Variants in FHIT observed in about 807,000 individuals in gnomAD.
FHIT encodes the protein fragile histidine triad diadenosine triphosphatase.
A neutral mutation model predicts 17.9 loss-of-function variants in FHIT; 19 were observed. The observed-to-expected ratio is 1.06, with a 90% CI of 0.74 to 1.56. FHIT has a LOEUF of 1.56. FHIT is among the 40% of genes most tolerant of loss of function. FHIT has a pLI of 0.00. For missense variants in FHIT, 248 were observed against 189.2 expected, an observed-to-expected ratio of 1.31 and a Z score of -1.82; for synonymous variants, 81 against 69.7, an observed-to-expected ratio of 1.16 and a Z score of -0.81.
At chr3:60,999,894 C>T (rs1027533207) in intron 3 of FHIT, among the ~76,000 whole-genome samples, 1 of 152,116 alleles carries the variant, frequency 6.6e-6, no homozygotes, top group African/African-American at 2.4e-5. Flanking sequence ...GGTGAGGGCC[C>T]ACTTCTGGTT....
chr3:61,194,883 T>C (rs2038812102), intron 2 of FHIT, among the ~76,000 whole-genome samples: 1 of 151,990 alleles, frequency 6.6e-6, no homozygotes, highest in Non-Finnish European at 1.5e-5. Flanking sequence ...AAATGCAAAG[T>C]ATTATTATTA....
At chr3:60,806,915 C>G (rs1477495030) in intron 4 of FHIT, among the ~76,000 whole-genome samples, 3 of 152,266 alleles carry the variant, frequency 2.0e-5, no homozygotes, top group Middle Eastern at 6.8e-3. Flanking sequence ...GATCAAATAT[C>G]ATCCTTCATT....
At chr3:60,060,051 T>C (rs1396431360) in intron 5 of FHIT, among the ~76,000 whole-genome samples, 2 of 152,118 alleles carry the variant, frequency 1.3e-5, no homozygotes, top group Admixed American at 1.3e-4. Flanking sequence ...GGGGGAAAAA[T>C]GGTAGTCATC....
In FHIT at chr3:60,341,695, T is replaced by C. The variant is rs562993210; in HGVS notation, c.103+195165A>G. On this transcript the variant is annotated intron_variant, in intron 5 of 9. Coordinates refer to ENST00000492590, the MANE Select transcript of FHIT (RefSeq NM_002012.4). ...TCTGCTTTATAATTAGCAACAGTCT[T>C]TCCCAAATTCTACACTTAGATTGAC... Among the ~76,000 whole-genome samples the C allele has an allele frequency of 5.3e-5, 8 of 152,248 alleles. No individual in the cohort carries two copies. In the East Asian group the frequency reaches 1.4e-3, roughly 26 times the overall value.
At chr3:61,101,259 A>G (rs2035812277) in intron 2 of FHIT, among the ~76,000 whole-genome samples, 1 of 152,226 alleles carries the variant, frequency 6.6e-6, no homozygotes, top group African/African-American at 2.4e-5. Flanking sequence ...GAAGGGATCC[A>G]GTTTCAGCTT....
At chr3:60,823,691 T>C (rs1284050458) in intron 3 of FHIT, among the ~76,000 whole-genome samples, 1 of 152,112 alleles carries the variant, frequency 6.6e-6, no homozygotes, top group Non-Finnish European at 1.5e-5. Context: ...GACAATAAAT[T>C]TCGGTTGTTT....
At chr3:59,895,326 C>T (rs1446433672) in intron 8 of FHIT, among the ~76,000 whole-genome samples, 1 of 152,166 alleles carries the variant, frequency 6.6e-6, no homozygotes, top group African/African-American at 2.4e-5. Context: ...TAGCACAGTT[C>T]CCAGTACTTA....
chr3:60,206,511 A>C (rs1703199320), intron 5 of FHIT, among the ~76,000 whole-genome samples: 1 of 152,272 alleles, frequency 6.6e-6, no homozygotes, highest in South Asian at 2.1e-4. Context: ...TTAACATGCC[A>C]GAAAAAAAAC....
At chr3:60,865,375 G>T (rs879968005) in intron 3 of FHIT, among the ~76,000 whole-genome samples, 5 of 152,070 alleles carry the variant, frequency 3.3e-5, no homozygotes, top group Admixed American at 6.6e-5. Flanking sequence ...CCACTGTACT[G>T]GTCAGCACAT....
chr3:60,743,508 G>C (rs1215548069), intron 4 of FHIT, among the ~76,000 whole-genome samples: 3 of 152,164 alleles, frequency 2.0e-5, no homozygotes, highest in Admixed American at 6.5e-5. Context: ...TGTTTGGCCT[G>C]CACCTTGTGT....
intron 5 of FHIT, among the ~76,000 whole-genome samples, chr3:60,471,898 CAG>C (rs1385055272): frequency 2.0e-5 from 3 of 151,986 alleles, no homozygotes; most frequent in East Asian, 3.9e-4. Flanking sequence ...GTAAGATGAA[CAG>C]AGTCATATTT....
intron 5 of FHIT, among the ~76,000 whole-genome samples, chr3:60,512,733 T>C (rs960422158): frequency 6.6e-6 from 1 of 152,192 alleles, no homozygotes; most frequent in African/African-American, 2.4e-5. Flanking sequence ...CCAAAAATGG[T>C]TTAAATGAAC....
chr3:61,071,471 G>A (rs1472708779), intron 2 of FHIT, among the ~76,000 whole-genome samples: 1 of 152,092 alleles, frequency 6.6e-6, no homozygotes, highest in Admixed American at 6.5e-5. Context: ...CATTTACAGT[G>A]TTACTTCCCA....
At chr3:59,765,255 C>G (rs926684932) in intron 8 of FHIT, among the ~76,000 whole-genome samples, 2 of 152,188 alleles carry the variant, frequency 1.3e-5, no homozygotes, top group Non-Finnish European at 2.9e-5. Context: ...GATAAAAATG[C>G]TTTGAAATAA....
At chr3:60,188,223 T>C (rs1026232536) in intron 5 of FHIT, among the ~76,000 whole-genome samples, 8 of 150,518 alleles carry the variant, frequency 5.3e-5, no homozygotes, top group Non-Finnish European at 5.9e-5. Context: ...TTTTTTTTTT[T>C]TTTTACCATT....
At chr3:60,075,881 C>T (rs1218671963) in intron 5 of FHIT, among the ~76,000 whole-genome samples, 1 of 152,054 alleles carries the variant, frequency 6.6e-6, no homozygotes, top group African/African-American at 2.4e-5. Flanking sequence ...TAATGATGTC[C>T]CTTTTTGATC....
At chr3:60,707,696 A>C (rs1015257742) in intron 4 of FHIT, among the ~76,000 whole-genome samples, 1 of 152,196 alleles carries the variant, frequency 6.6e-6, no homozygotes, top group Non-Finnish European at 1.5e-5. Flanking sequence ...TAATATAAGA[A>C]TAACATATCA....
At chr3:59,915,894 T>C (rs79644215) in intron 8 of FHIT, among the ~76,000 whole-genome samples, 1,524 of 149,038 alleles carry the variant, frequency 0.01, 6 homozygotes, top group Non-Finnish European at 0.016. Context: ...ATTGGGCCAC[T>C]GCTGGCCAGC....
Position 60,275,818 on chromosome 3 carries a change from C to T in FHIT, c.103+261042G>A, listed in dbSNP as rs35270205. The stretch of plus-strand genomic sequence containing the variant: ...CTCATGTGGTCTTTCGGCATCAGTC[C>T]TATCCTACACAATAATGCCTTGCAA... On this transcript the variant is annotated intron_variant, in intron 5 of 9. Coordinates refer to ENST00000492590, the MANE Select transcript of FHIT (RefSeq NM_002012.4). 7.8e-3 allele frequency among the ~76,000 whole-genome samples: 1,188 copies of T among 152,200 alleles called. 5 individuals carry two copies. Among genetic ancestry groups the T allele is most frequent in the Non-Finnish European group, 0.012 (832 of 68,016 alleles).
Sources: gnomAD v4.1 joint callset for allele counts (sites outside exome capture counted in the v4.1 genomes callset) on GRCh38, gnomAD v4.1.1 for gene constraint, MANE v1.5 for transcripts, NCBI Gene and HGNC (gene_info 2026-07-23, HGNC 2026-07-21) for gene names.